NADSYN1: variants seen among roughly 807,000 people sequenced by gnomAD.
The protein encoded by NADSYN1 is NAD synthetase 1, also known as glutamine-dependent NAD(+) synthetase.
Under a neutral mutation model 99.3 loss-of-function variants are expected in NADSYN1, and 80 were observed. The observed-to-expected ratio is 0.81, with a 90% CI of 0.67 to 0.97. The LOEUF (loss-of-function observed/expected upper bound fraction) is 0.97, where lower values mean the gene tolerates loss of function less well. Ranked by LOEUF, NADSYN1 falls within the 50% of genes least tolerant of loss-of-function variation. NADSYN1 has a pLI of 0.00. For missense variants in NADSYN1, 859 were observed against 948.5 expected (o/e 0.91, Z 1.24); for synonymous variants, 385 against 372.1 (o/e 1.03, Z -0.40).
rs1949827427 is a variant in NADSYN1 at position 71,497,441 on chromosome 11, G to A, written c.1765-42G>A. ...AGAAGCTTTAGGCTCTCCCCCCGCT[G>A]TGACTTGCTGTCATCATGGAACAGA... On this transcript the variant is annotated intron_variant, in intron 18 of 20. Coordinates refer to ENST00000319023, the MANE Select transcript of NADSYN1 (RefSeq NM_018161.5). 3.7e-6 allele frequency: 6 copies of A among 1,613,106 alleles called. No homozygotes were observed. The East Asian group carries it at 1.3e-4, about 36-fold the overall frequency.
chr11:71,499,607 G>A (rs1441777902), intron 20 of NADSYN1: 1 of 152,122 alleles, frequency 6.6e-6, no homozygotes, highest in Admixed American at 6.5e-5. Context: ...ATCAAGAAAG[G>A]ACAATACAAT....
intron 5 of NADSYN1, chr11:71,464,427 T>TC (rs1949573637): frequency 3.2e-6 from 1 of 312,638 alleles, no homozygotes; most frequent in South Asian, 5.0e-5. Flanking sequence ...TCTAGAGGCT[T>TC]CCCATCGGTT....
chr11:71,481,271 C>A, intron 11 of NADSYN1, 85 bp from the exon 12 acceptor site: 1 of 1,401,650 alleles, frequency 7.1e-7, no homozygotes, highest in Non-Finnish European at 1.0e-6. Context: ...GGCACTGCAG[C>A]CTCCTGGGGC....
rs1259892741 is a variant in NADSYN1 at position 71,498,086 on chromosome 11, A to G, written c.1894-266A>G. ...AAAGGCAGGGGGACCCCGGTTTCATAGCATCAGAGGCGGGGGACCCCAGTT... is the reference window on the plus strand; with the variant it reads ...AAAGGCAGGGGGACCCCGGTTTCATGGCATCAGAGGCGGGGGACCCCAGTT... On this transcript the variant is annotated intron_variant, in intron 19 of 20. Coordinates refer to ENST00000319023, the MANE Select transcript of NADSYN1 (RefSeq NM_018161.5). Among the ~76,000 whole-genome samples, 6 of 152,320 alleles carry G rather than the reference A, an allele frequency of 3.9e-5. No individual in the cohort carries two copies. The East Asian group carries it at 1.2e-3, about 29-fold the overall frequency.
chr11:71,491,014 G>A (rs1272035789), intron 17 of NADSYN1, 38 bp downstream of exon 17: 26 of 1,612,074 alleles, frequency 1.6e-5, no homozygotes, highest in Admixed American at 1.3e-4. Flanking sequence ...ACAGCCACGG[G>A]GCTCCTCTCC....
chr11:71,477,481 G>C, intron 9 of NADSYN1: 1 of 1,280,846 alleles, frequency 7.8e-7, no homozygotes, highest in South Asian at 1.2e-5. Flanking sequence ...GGGCGCGCAA[G>C]GTGGCCACGG....
intron 14 of NADSYN1, among the ~76,000 whole-genome samples, chr11:71,483,390 C>T (rs972352137): frequency 4.9e-4 from 75 of 152,124 alleles, no homozygotes; most frequent in Admixed American, 2.6e-4. Context: ...TCCTGGCATT[C>T]CCAGTGCAGG....
intron 9 of NADSYN1, chr11:71,476,141 G>A (rs1165655569): frequency 1.3e-5 from 6 of 456,074 alleles, no homozygotes; most frequent in Non-Finnish European, 2.6e-5. Flanking sequence ...GTGGGTGGGA[G>A]CGTCTCCACT....
In NADSYN1 at chr11:71,484,895, G is replaced by A. The variant is rs1396322952; in HGVS notation, c.1455+448G>A. The A allele has an allele frequency of 2.0e-5, 4 of 199,098 alleles. No homozygotes were observed. In the East Asian group the frequency reaches 4.8e-4, roughly 24 times the overall value. The allele number at this position is 199,098 out of a possible 1,614,324, so 12.3% of individuals were successfully genotyped here. On this transcript the variant is annotated intron_variant, in intron 15 of 20. Transcript: ENST00000319023. ...TGCAAAAGCAAGTGTGAGTGTGGAT[G>A]TGTGAGTGTGCACAAACGTGAGTGC...
chr11:71,482,447 G>A (rs12275635), intron 13 of NADSYN1, among the ~76,000 whole-genome samples: 12,581 of 151,756 alleles, frequency 0.083, 596 homozygotes, highest in African/African-American at 0.14. Flanking sequence ...ACCTGGGGGT[G>A]TAGACCGGGG....
At chr11:71,495,108 G>A (rs574027785) in intron 18 of NADSYN1, among the ~76,000 whole-genome samples, 3 of 152,180 alleles carry the variant, frequency 2.0e-5, no homozygotes, top group Non-Finnish European at 1.5e-5. Flanking sequence ...TCTCAAGGTG[G>A]AAAGTTAGGT....
intron 10 of NADSYN1, 134 bp downstream of exon 10, chr11:71,478,603 A>G: frequency 3.9e-6 from 3 of 778,028 alleles, no homozygotes; most frequent in Non-Finnish European, 4.3e-6. Flanking sequence ...GGACTTCCCG[A>G]GCGTGGAAAG....
At chr11:71,486,991 A>G (rs1185975069) in intron 16 of NADSYN1, among the ~76,000 whole-genome samples, 5 of 151,926 alleles carry the variant, frequency 3.3e-5, no homozygotes, top group Non-Finnish European at 5.9e-5. Flanking sequence ...TATTTTTAGT[A>G]GAGACGGTGT....
intron 16 of NADSYN1, among the ~76,000 whole-genome samples, chr11:71,489,746 G>A (rs1335168578): frequency 6.6e-6 from 1 of 152,244 alleles, no homozygotes; most frequent in Non-Finnish European, 1.5e-5. Flanking sequence ...TTGCACCACA[G>A]TGAGGGTCAG....
At chr11:71,469,855 G>C (rs1949615429) in intron 5 of NADSYN1, among the ~76,000 whole-genome samples, 1 of 147,668 alleles carries the variant, frequency 6.8e-6, no homozygotes, top group Admixed American at 7.0e-5. Flanking sequence ...GAGCCCATGA[G>C]GTTGAGCCTG....
At chr11:71,471,100 G>T (rs1382802219) in intron 5 of NADSYN1, among the ~76,000 whole-genome samples, 1 of 152,092 alleles carries the variant, frequency 6.6e-6, no homozygotes, top group Non-Finnish European at 1.5e-5. Context: ...GGATTTCAGA[G>T]CATAAGTGTG....
At chr11:71,478,548 A>T in intron 10 of NADSYN1, 79 bp downstream of exon 10, 1 of 1,308,040 alleles carries the variant, frequency 7.6e-7, no homozygotes, top group Non-Finnish European at 1.1e-6. Context: ...GGCCTGGTGG[A>T]GGCCGTGAGG....
rs373111066 is a variant in NADSYN1 at position 71,498,321 on chromosome 11, A to G, written c.1894-31A>G. On this transcript the variant is annotated intron_variant, in intron 19 of 20. Transcript: ENST00000319023. The stretch of plus-strand genomic sequence containing the variant: ...GCCTGGGGTCTCTCCAGTTTTGGTA[A>G]CATGAAGCTCGTGTGTTGCACGCCC... 2.6e-5 allele frequency: 42 copies of G among 1,611,354 alleles called. No homozygotes were observed. The African/African-American group carries it at 5.2e-4, about 20-fold the overall frequency.
chr11:71,473,475 C>A, intron 7 of NADSYN1, 94 bp from the exon 8 acceptor site: 1 of 1,528,602 alleles, frequency 6.5e-7, no homozygotes, highest in Non-Finnish European at 9.0e-7. Context: ...TGGCCGTGGG[C>A]TGGGAGCTGC....
Sources: gnomAD v4.1 joint callset for allele counts (sites outside exome capture counted in the v4.1 genomes callset) on GRCh38, gnomAD v4.1.1 for gene constraint, MANE v1.5 for transcripts, NCBI Gene and HGNC (gene_info 2026-07-23, HGNC 2026-07-21) for gene names.